Variants in SLC24A4 observed in about 807,000 individuals in gnomAD.
SLC24A4 encodes solute carrier family 24 member 4, also known as sodium/potassium/calcium exchanger 4.
SLC24A4 carries 53 observed loss-of-function variants against 79.0 expected under a neutral mutation model. The observed-to-expected ratio is 0.67, with a 90% CI of 0.54 to 0.84. The LOEUF (loss-of-function observed/expected upper bound fraction) is 0.84, where lower values mean the gene tolerates loss of function less well. SLC24A4 is among the 40% of genes least tolerant of loss of function. SLC24A4 has a pLI of 0.00. For missense variants in SLC24A4, 731 were observed against 822.0 expected, an observed-to-expected ratio of 0.89 and a Z score of 1.35; for synonymous variants, 323 against 323.8, an observed-to-expected ratio of 1.00 and a Z score of 0.03.
rs187200401 is a variant in SLC24A4, at chr14:92,330,387, T to C, written c.241+4409T>C. Among the ~76,000 whole-genome samples the C allele has an allele frequency of 9.9e-4, 151 of 152,372 alleles. 1 individual carries two copies. The highest frequency in any genetic ancestry group is 3.2e-3 in the African/African-American group (134 of 41,586). On this transcript the variant is annotated intron_variant, in intron 2 of 16. Coordinates refer to ENST00000532405, the MANE Select transcript of SLC24A4 (RefSeq NM_153646.4). The stretch of plus-strand genomic sequence containing the variant: ...CTTTATTTTTGCTCAATGATGTCTA[T>C]GGAAAATTTATAATTAATTTTTCCC...
intron 2 of SLC24A4, among the ~76,000 whole-genome samples, chr14:92,368,878 G>C (rs896306440): frequency 6.6e-6 from 1 of 152,168 alleles, no homozygotes; most frequent in Non-Finnish European, 1.5e-5. Flanking sequence ...TGGAAGAGGG[G>C]ATTAACGGCA....
chr14:92,384,682 G>A (rs1287175595), intron 2 of SLC24A4, among the ~76,000 whole-genome samples: 2 of 152,300 alleles, frequency 1.3e-5, no homozygotes, highest in Non-Finnish European at 2.9e-5. Context: ...AGATACTGAG[G>A]CTTTAAATGA....
intron 2 of SLC24A4, among the ~76,000 whole-genome samples, chr14:92,417,807 T>A (rs1189733838): frequency 6.6e-6 from 1 of 152,256 alleles, no homozygotes; most frequent in African/African-American, 2.4e-5. Context: ...TGCACAGGTG[T>A]GTGGCTTTGG....
chr14:92,399,350 G>T (rs1052740396), intron 2 of SLC24A4, among the ~76,000 whole-genome samples: 6 of 152,206 alleles, frequency 3.9e-5, no homozygotes, highest in African/African-American at 1.4e-4. Context: ...AAACAGTTCA[G>T]ATTAGCAGCT....
rs1308380585 is a variant in SLC24A4, at chr14:92,500,303, A to C, written c.*6675A>C. ...TGTGCAGCTTTTGGTTTCTAGATGC[A>C]TGGTTTGGTGTGATCTACCTTTGTG... On this transcript the variant is annotated 3_prime_UTR_variant, in exon 17 of 17. Coordinates refer to ENST00000532405, the MANE Select transcript of SLC24A4 (RefSeq NM_153646.4). 6.6e-6 allele frequency: 1 copy of C among 152,216 alleles called. No homozygotes were observed. The highest frequency in any genetic ancestry group is 1.9e-4 in the East Asian group (1 of 5,190). 9.4% of individuals were successfully genotyped at this position (152,216 alleles called of 1,614,324 possible). A position where few individuals can be genotyped will look rare whatever the true frequency, so the allele number is the denominator to read the frequency against.
chr14:92,456,511 C>A lies in SLC24A4; in HGVS notation c.1158C>A (p.Asp386Glu). 2 of 1,614,146 alleles carry A rather than the reference C, an allele frequency of 1.2e-6. No homozygotes were observed. Among genetic ancestry groups the A allele is most frequent in the Non-Finnish European group, 1.7e-6 (2 of 1,180,034 alleles). Residue 386 changes from aspartate (D) to glutamate (E), a missense_variant, in exon 12 of 17, where the codon GAC (aspartate) becomes GAA (glutamate). Coordinates refer to ENST00000532405, the MANE Select transcript of SLC24A4 (RefSeq NM_153646.4). ...NGNVPVENPEDPQQNQEQQPP... is the reference protein window; with the variant it reads ...NGNVPVENPEEPQQNQEQQPP... Reference sequence around the variant, plus strand: ...ATGTTCCTGTGGAAAACCCCGAAGACCCTCAGCAGAATCAGGAGCAGCAGC... The same window carrying A: ...ATGTTCCTGTGGAAAACCCCGAAGAACCTCAGCAGAATCAGGAGCAGCAGC...
Position 92,332,561 on chromosome 14 carries a change from T to C in SLC24A4, c.241+6583T>C, listed in dbSNP as rs528327511. On this transcript the variant is annotated intron_variant, in intron 2 of 16. Transcript: ENST00000532405. ...GCACTTGAGATCCTGAGCAACAGAG[T>C]GAGATCCTGTCTAAAAGTTATACAT... Among the ~76,000 whole-genome samples, 5 of 152,154 alleles carry C rather than the reference T, an allele frequency of 3.3e-5. No individual in the cohort carries two copies. The South Asian group carries it at 1.0e-3, about 32-fold the overall frequency.
In SLC24A4 at chr14:92,456,575, G is replaced by A; in HGVS notation, c.1222G>A (p.Glu408Lys). Residue 408 changes from glutamate to lysine, a missense_variant, in exon 12 of 17, where the codon GAG becomes AAG. Physicochemically the swap from Glu to Lys is moderately conservative, Grantham distance 56 (BLOSUM62 1). Coordinates refer to ENST00000532405, the MANE Select transcript of SLC24A4 (RefSeq NM_153646.4). ...QPPPPEPEPV[E>K]ADFLSPFSVP... ...ACCACCGCCAGAGCCAGAGCCGGTG[G>A]AGGCTGACTTCCTGTCCCCCTTCTC... The A allele has an allele frequency of 6.2e-7, 1 of 1,613,926 alleles. No individual in the cohort carries two copies. The highest frequency in any genetic ancestry group is 1.3e-5 in the African/African-American group (1 of 75,040).
intron 2 of SLC24A4, among the ~76,000 whole-genome samples, chr14:92,364,493 T>C (rs1293926524): frequency 1.3e-5 from 2 of 152,144 alleles, no homozygotes; most frequent in Admixed American, 6.5e-5. Flanking sequence ...GAAACAGGTG[T>C]ATTCACAGTC....
intron 2 of SLC24A4, among the ~76,000 whole-genome samples, chr14:92,394,476 C>G (rs1052394860): frequency 3.3e-5 from 5 of 152,022 alleles, no homozygotes; most frequent in Non-Finnish European, 5.9e-5. Flanking sequence ...GTGGTGGTAT[C>G]CACCCATAGT....
At chr14:92,386,721 G>A (rs895221692) in intron 2 of SLC24A4, among the ~76,000 whole-genome samples, 20 of 152,214 alleles carry the variant, frequency 1.3e-4, no homozygotes, top group African/African-American at 4.6e-4. Context: ...TTTGTTTGAC[G>A]TTTCTGCTAA....
chr14:92,336,391 G>A (rs1181989311), intron 2 of SLC24A4, among the ~76,000 whole-genome samples: 15 of 152,184 alleles, frequency 9.9e-5, no homozygotes, highest in Admixed American at 9.8e-4. Flanking sequence ...AGCAGTGGAT[G>A]TCCTCCTTGG....
chr14:92,439,351 A>G lies in SLC24A4; in HGVS notation c.335A>G (p.Tyr112Cys). 1.2e-6 allele frequency: 2 copies of G among 1,612,706 alleles called. No individual in the cohort carries two copies. Among genetic ancestry groups the G allele is most frequent in the Non-Finnish European group, 1.7e-6 (2 of 1,178,978 alleles). Residue 112 changes from tyrosine to cysteine, a missense_variant, in exon 4 of 17, where the codon TAT becomes TGT. By Grantham distance (194) the Tyr-to-Cys change is radical. Transcript: ENST00000532405. ...LHILGALYMF[Y>C]ALAIVCDDFF... ...CCTTTGCAGGCTCTGTATATGTTCT[A>G]TGCCTTGGCCATAGTGTGCGATGAC...
intron 12 of SLC24A4, among the ~76,000 whole-genome samples, chr14:92,461,005 AAG>A (rs1441682237): frequency 6.6e-6 from 1 of 152,142 alleles, no homozygotes; most frequent in Non-Finnish European, 1.5e-5. Flanking sequence ...TAGGGGGAAA[AAG>A]AGGAAGAGGC....
At chr14:92,341,957 C>T (rs562042623) in intron 2 of SLC24A4, among the ~76,000 whole-genome samples, 7 of 152,140 alleles carry the variant, frequency 4.6e-5, no homozygotes, top group African/African-American at 7.2e-5. Flanking sequence ...GCTAAGATTC[C>T]GATATAGCCG....
intron 2 of SLC24A4, among the ~76,000 whole-genome samples, chr14:92,386,888 AG>A (rs1889187070): frequency 6.6e-6 from 1 of 152,170 alleles, no homozygotes; most frequent in South Asian, 2.1e-4. Context: ...TTTCCGGTCA[AG>A]GGAGGAGGCT....
At chr14:92,426,679 G>A (rs1468185215) in intron 2 of SLC24A4, among the ~76,000 whole-genome samples, 1 of 152,056 alleles carries the variant, frequency 6.6e-6, no homozygotes, top group African/African-American at 2.4e-5. Flanking sequence ...GGTGATGGTA[G>A]AAAATCCTAG....
chr14:92,458,190 T>G (rs1893591617), intron 12 of SLC24A4, among the ~76,000 whole-genome samples: 1 of 152,210 alleles, frequency 6.6e-6, no homozygotes, highest in South Asian at 2.1e-4. Context: ...CTCCCTTTGC[T>G]TCCTGGGAGC....
At chr14:92,422,171 A>G (rs1891321312) in intron 2 of SLC24A4, among the ~76,000 whole-genome samples, 1 of 152,252 alleles carries the variant, frequency 6.6e-6, no homozygotes, top group South Asian at 2.1e-4. Context: ...TTCAGAATCT[A>G]GAACAGTGCT....
Sources: allele counts gnomAD v4.1 joint callset (sites outside exome capture counted in the v4.1 genomes callset), GRCh38; gene constraint gnomAD v4.1.1; transcripts MANE v1.5; gene names NCBI Gene and HGNC (gene_info 2026-07-23, HGNC 2026-07-21).